Variants in KIFC3 observed in about 807,000 individuals in gnomAD.
The protein encoded by KIFC3 is kinesin family member C3.
Under a neutral mutation model 101.8 loss-of-function variants are expected in KIFC3, and 60 were observed. The observed-to-expected ratio is 0.59, with a 90% CI of 0.48 to 0.73. The LOEUF (loss-of-function observed/expected upper bound fraction) is 0.73. Ranked by LOEUF, KIFC3 falls within the 30% of genes least tolerant of loss-of-function variation. The probability of loss-of-function intolerance (pLI) is 0.00; values close to 1 mark genes in which losing one functional copy is unlikely to be tolerated. For synonymous variants in KIFC3, 476 were observed against 482.7 expected (o/e 0.99, Z 0.18); for missense variants, 966 against 1,137.1 (o/e 0.85, Z 2.16).
chr16:57,858,192 G>T (rs548495383), intron 1 of KIFC3, among the ~76,000 whole-genome samples: 153 of 152,186 alleles, frequency 1.0e-3, no homozygotes, highest in African/African-American at 3.6e-3. Flanking sequence ...GAATAGTGCT[G>T]CAATAGCTTT....
At chr16:57,803,368 T>G, upstream of KIFC3, 2 of 605,598 alleles carry the variant, frequency 3.3e-6, no homozygotes, top group Non-Finnish European at 6.2e-6. Flanking sequence ...AGCAGCAATA[T>G]TCTCCCTCAC....
chr16:57,812,827 C>T (rs1222940307), intron 1 of KIFC3, among the ~76,000 whole-genome samples: 2 of 152,204 alleles, frequency 1.3e-5, no homozygotes, highest in African/African-American at 4.8e-5. Flanking sequence ...ACCTGCTGCC[C>T]CTGAGGGGCT....
intron 3 of KIFC3, chr16:57,775,747 T>G: frequency 1.0e-6 from 1 of 985,610 alleles, no homozygotes; most frequent in African/African-American, 1.7e-5. Flanking sequence ...GGCACATGCC[T>G]GAGCCCAAGA....
intron 3 of KIFC3, chr16:57,775,581 G>A: frequency 1.0e-6 from 1 of 985,922 alleles, no homozygotes; most frequent in Non-Finnish European, 1.2e-6. Flanking sequence ...AGAGCCAAGA[G>A]CAGGCAGGGC....
chr16:57,801,097 T>C (rs1410973944), intron 1 of KIFC3, among the ~76,000 whole-genome samples: 1 of 152,228 alleles, frequency 6.6e-6, no homozygotes, highest in Non-Finnish European at 1.5e-5. Flanking sequence ...CAAAATTTTA[T>C]TTTTCAGTTA....
chr16:57,802,424 G>A lies in KIFC3; in HGVS notation c.-94C>T. On this transcript the variant is annotated 5_prime_UTR_variant, in exon 1 of 20. Coordinates refer to ENST00000445690, the MANE Select transcript of KIFC3 (RefSeq NM_001130100.2). The surrounding 1 kb of genome is among the most constrained non-coding windows in gnomAD (Gnocchi z 5.0). ...GCCGCAGCGCCCGGGGCTCGGCCCG[G>A]CCCGGCCCGCCGGCAGGAGGCAGCT... is the stretch of plus-strand genomic sequence containing the variant. The A allele has an allele frequency of 2.0e-6, 2 of 982,826 alleles. No homozygotes were observed. Among genetic ancestry groups the A allele is most frequent in the Non-Finnish European group, 2.4e-6 (2 of 828,850 alleles). The allele number at this position is 982,826 out of a possible 1,614,324, so 60.9% of individuals were successfully genotyped here.
chr16:57,811,600 A>T (rs781850583), intron 1 of KIFC3, among the ~76,000 whole-genome samples: 3 of 151,974 alleles, frequency 2.0e-5, no homozygotes, highest in African/African-American at 7.3e-5. Context: ...GTGCATACCT[A>T]TGGTCCCAGC....
intron 3 of KIFC3, chr16:57,775,227 G>A (rs2051886825): frequency 7.6e-7 from 1 of 1,317,574 alleles, no homozygotes; most frequent in Non-Finnish European, 9.7e-7. Context: ...GGAGCATGGG[G>A]GATGGTGAGG....
chr16:57,758,945 T>C lies in KIFC3; in HGVS notation c.*25-36A>G, dbSNP rs201525662. 5 of 1,464,496 alleles carry C rather than the reference T, an allele frequency of 3.4e-6. No individual in the cohort carries two copies. Among genetic ancestry groups the C allele is most frequent in the Non-Finnish European group, 4.5e-6 (5 of 1,109,516 alleles). The allele number at this position is 1,464,496 out of a possible 1,614,324, so 90.7% of individuals were successfully genotyped here. A position where few individuals can be genotyped will look rare whatever the true frequency, so the allele number is the denominator to read the frequency against. ...ATGAGATCATCAGCCTCTTGTCCACTTGCCCACCGGCAGCCCACAGCAGTT... is the reference window on the plus strand; with the variant it reads ...ATGAGATCATCAGCCTCTTGTCCACCTGCCCACCGGCAGCCCACAGCAGTT... On this transcript the variant is annotated intron_variant, in intron 19 of 19. Coordinates refer to ENST00000445690, the MANE Select transcript of KIFC3 (RefSeq NM_001130100.2).
chr16:57,853,853 G>A (rs1422537181), intron 1 of KIFC3, among the ~76,000 whole-genome samples: 7 of 151,894 alleles, frequency 4.6e-5, no homozygotes, highest in South Asian at 2.1e-4. Flanking sequence ...GGCTGGTCTC[G>A]AACTCCTGAC....
At chr16:57,782,786 A>G (rs2052875428) in intron 3 of KIFC3, among the ~76,000 whole-genome samples, 1 of 152,224 alleles carries the variant, frequency 6.6e-6, no homozygotes, top group Non-Finnish European at 1.5e-5. Context: ...TCTACTGAAA[A>G]ATACAAACAA....
At chr16:57,840,168 T>A (rs1178733591) in intron 1 of KIFC3, among the ~76,000 whole-genome samples, 2 of 151,816 alleles carry the variant, frequency 1.3e-5, no homozygotes, top group Non-Finnish European at 2.9e-5. Context: ...CAAAACCTCG[T>A]CTCTACTAAC....
At chr16:57,790,919 G>A in intron 3 of KIFC3, 1 of 985,262 alleles carries the variant, frequency 1.0e-6, no homozygotes, top group Non-Finnish European at 1.2e-6. Context: ...AAGGGCGGGT[G>A]GCAGACACAC....
intron 3 of KIFC3, chr16:57,785,407 C>G: frequency 8.6e-7 from 1 of 1,163,832 alleles, no homozygotes; most frequent in South Asian, 1.4e-5. Context: ...AGGTGATGTC[C>G]TCTGACCTGC....
At chr16:57,771,158 G>A (rs782337613) in intron 6 of KIFC3, 40 bp downstream of exon 6, 2 of 1,603,962 alleles carry the variant, frequency 1.2e-6, no homozygotes, top group South Asian at 1.1e-5. Context: ...GGTGCCAGGG[G>A]CCTTGGGCTG....
chr16:57,770,307 C>T (rs1555606789), intron 7 of KIFC3, among the ~76,000 whole-genome samples: 1 of 152,256 alleles, frequency 6.6e-6, no homozygotes, highest in African/African-American at 2.4e-5. Context: ...GGATGACGTT[C>T]CTGAGTCCCC....
At chr16:57,817,711 A>C (rs1411213274) in intron 1 of KIFC3, among the ~76,000 whole-genome samples, 1 of 152,196 alleles carries the variant, frequency 6.6e-6, no homozygotes, top group Admixed American at 6.5e-5. Context: ...CAAAGGCCCA[A>C]AAAGGTTCCA....
upstream of KIFC3, among the ~76,000 whole-genome samples, chr16:57,806,423 C>T (rs535185578): frequency 6.6e-6 from 1 of 152,216 alleles, no homozygotes; most frequent in African/African-American, 2.4e-5. Flanking sequence ...AGCAGGCGGG[C>T]TCAACTCACC....
At chr16:57,784,478 G>A (rs1453385682) in intron 3 of KIFC3, among the ~76,000 whole-genome samples, 1 of 152,232 alleles carries the variant, frequency 6.6e-6, no homozygotes, top group Non-Finnish European at 1.5e-5. Flanking sequence ...ACAATATGCT[G>A]CCCCCAGAAC....
Sources: gnomAD v4.1 joint callset for allele counts (sites outside exome capture counted in the v4.1 genomes callset) on GRCh38, gnomAD v4.1.1 for gene constraint, Gnocchi (gnomAD v3.1) non-coding constraint, MANE v1.5 for transcripts, NCBI Gene and HGNC (gene_info 2026-07-23, HGNC 2026-07-21) for gene names.